Variants in VAPB observed in about 807,000 individuals in gnomAD.
VAPB encodes the protein vesicle-associated membrane protein-associated protein B/C.
In VAPB, 7 loss-of-function variants were observed where a neutral mutation model predicts 25.6. The ratio of observed to expected loss-of-function variants is 0.27; its 90% CI spans 0.16 to 0.51. VAPB has a LOEUF of 0.51. Ranked by LOEUF, VAPB falls within the 20% of genes least tolerant of loss-of-function variation. VAPB has a pLI of 0.97. For synonymous variants in VAPB, 112 were observed against 109.2 expected, an observed-to-expected ratio of 1.03 and a Z score of -0.16; for missense variants, 266 against 301.3, an observed-to-expected ratio of 0.88 and a Z score of 0.87.
chr20:58,441,918 A>G (rs1989170553), intron 5 of VAPB, among the ~76,000 whole-genome samples: 1 of 152,062 alleles, frequency 6.6e-6, no homozygotes, highest in African/African-American at 2.4e-5. Context: ...AGTGGGTAGG[A>G]GGTGGAGATT....
rs1283925294 is a variant in VAPB, at chr20:58,449,304, G to C, written c.*5069G>C. On this transcript the variant is annotated 3_prime_UTR_variant, in exon 6 of 6. Coordinates refer to ENST00000475243, the MANE Select transcript of VAPB (RefSeq NM_004738.5). ...GCTGTATCTACGGCACTTAACAATA[G>C]GGGCTTTTTATTTTCATTACAGAGA... 3 of 449,624 alleles carry C rather than the reference G, an allele frequency of 6.7e-6. No individual in the cohort carries two copies. In the Admixed American group the frequency reaches 7.2e-5, roughly 11 times the overall value. The allele number at this position is 449,624 out of a possible 1,614,324, so 27.9% of individuals were successfully genotyped here.
chr20:58,434,261 A>T (rs1273580815), intron 2 of VAPB, among the ~76,000 whole-genome samples: 2 of 152,216 alleles, frequency 1.3e-5, no homozygotes, highest in South Asian at 2.1e-4. Context: ...TTCTTGAGCA[A>T]AACAGGCAGA....
chr20:58,432,362 T>C (rs1988946597), intron 2 of VAPB: 4 of 152,188 alleles, frequency 2.6e-5, no homozygotes, highest in African/African-American at 9.7e-5. Context: ...TCCAGAGTGG[T>C]AGACTTGGGA....
In VAPB at chr20:58,424,399, G is replaced by T. The variant is rs141349089; in HGVS notation, c.211+6036G>T. Among the ~76,000 whole-genome samples, 33 of 152,164 alleles carry T rather than the reference G, an allele frequency of 2.2e-4. No homozygotes were observed. In the Middle Eastern group the frequency reaches 0.01, roughly 47 times the overall value. ...GGACGGGCTGGGCAAGAACACCACC[G>T]AGAGCAAGTGCAGGGAGCATTCAGA... is the stretch of plus-strand genomic sequence containing the variant. On this transcript the variant is annotated intron_variant, in intron 2 of 5. Coordinates refer to ENST00000475243, the MANE Select transcript of VAPB (RefSeq NM_004738.5).
At chr20:58,443,546 C>T (rs1365684664) in intron 5 of VAPB, among the ~76,000 whole-genome samples, 2 of 151,918 alleles carry the variant, frequency 1.3e-5, no homozygotes, top group Non-Finnish European at 2.9e-5. Context: ...CCTCAGCCTC[C>T]CAAAGTACAG....
chr20:58,421,747 G>A (rs1988674138), intron 2 of VAPB, among the ~76,000 whole-genome samples: 1 of 152,108 alleles, frequency 6.6e-6, no homozygotes, highest in Non-Finnish European at 1.5e-5. Context: ...GAGAGGGAGG[G>A]TTGATGGTAA....
intron 2 of VAPB, 123 bp downstream of exon 2, chr20:58,418,486 C>T: frequency 9.3e-7 from 1 of 1,074,886 alleles, no homozygotes; most frequent in Non-Finnish European, 1.3e-6. Flanking sequence ...ACCCCACCCC[C>T]ACCCCACCCC....
chr20:58,449,997 C>T lies in VAPB; in HGVS notation c.*5762C>T. 2.2e-6 allele frequency: 1 copy of T among 453,958 alleles called. No homozygotes were observed. The highest frequency in any genetic ancestry group is 4.4e-6 in the Non-Finnish European group (1 of 226,778). The allele number at this position is 453,958 out of a possible 1,614,324, so 28.1% of individuals were successfully genotyped here. A position where few individuals can be genotyped will look rare whatever the true frequency, so the allele number is the denominator to read the frequency against. On this transcript the variant is annotated 3_prime_UTR_variant, in exon 6 of 6. Transcript: ENST00000475243. ...CTAATCAGATATCTTAACACAATTT[C>T]ATCCAGGCTTAGTGCTAACAAGATT... is the stretch of plus-strand genomic sequence containing the variant.
chr20:58,397,984 T>C (rs1360319683), intron 1 of VAPB, among the ~76,000 whole-genome samples: 1 of 152,188 alleles, frequency 6.6e-6, no homozygotes, highest in Non-Finnish European at 1.5e-5. Context: ...GATATAATGA[T>C]CTCTTACAGA....
rs565228671 is a variant in VAPB at position 58,448,637 on chromosome 20, C to A, written c.*4402C>A. On this transcript the variant is annotated 3_prime_UTR_variant, in exon 6 of 6. Transcript: ENST00000475243. Reference sequence around the variant, plus strand: ...GAAGTGAGTGGATGAGGCCTTCCTGCCTCAGCTACTCTGCCCGTCTGTACA... The same window carrying A: ...GAAGTGAGTGGATGAGGCCTTCCTGACTCAGCTACTCTGCCCGTCTGTACA... 1.1e-5 allele frequency: 5 copies of A among 453,980 alleles called. No individual in the cohort carries two copies. The highest frequency in any genetic ancestry group is 3.1e-5 in the South Asian group (2 of 64,476). The allele number at this position is 453,980 out of a possible 1,614,324, so 28.1% of individuals were successfully genotyped here.
intron 1 of VAPB, among the ~76,000 whole-genome samples, chr20:58,398,878 T>C (rs1435984305): frequency 6.6e-6 from 1 of 151,678 alleles, no homozygotes; most frequent in Non-Finnish European, 1.5e-5. Flanking sequence ...TTTGTCGTCA[T>C]GCTGGCTGTG....
At chr20:58,423,760 T>A (rs1224169264) in intron 2 of VAPB, among the ~76,000 whole-genome samples, 1 of 152,234 alleles carries the variant, frequency 6.6e-6, no homozygotes, top group African/African-American at 2.4e-5. Context: ...GATTGTTTGC[T>A]TTGGAAGTCT....
chr20:58,433,180 A>C (rs1297159234), intron 2 of VAPB, among the ~76,000 whole-genome samples: 1 of 152,200 alleles, frequency 6.6e-6, no homozygotes, highest in African/African-American at 2.4e-5. Context: ...CCAGATATAA[A>C]TCTAGCTCAT....
chr20:58,435,339 A>G (rs184182107), intron 3 of VAPB, among the ~76,000 whole-genome samples: 21 of 152,168 alleles, frequency 1.4e-4, no homozygotes, highest in Admixed American at 9.8e-4. Context: ...CTTTTTATAC[A>G]TTTGAATAAG....
At chr20:58,440,610 A>G (rs1989137895) in intron 4 of VAPB, 3 of 330,384 alleles carry the variant, frequency 9.1e-6, no homozygotes, top group Non-Finnish European at 1.7e-5. Context: ...CAGTATGCTG[A>G]TTTTTCCGTG....
Position 58,389,481 on chromosome 20 carries a change from C to T in VAPB, c.22C>T (p.Leu8=), listed in dbSNP as rs1482571088. MAKVEQV[L]SLEPQHELKF... ...GAACATGGCGAAGGTGGAGCAGGTC[C>T]TGAGCCTCGAGCCGCAGCACGAGCT... Residue 8 remains leucine (L), a synonymous_variant, in exon 1 of 6, where the codon CTG becomes TTG. Coordinates refer to ENST00000475243, the MANE Select transcript of VAPB (RefSeq NM_004738.5). 3.1e-6 allele frequency: 5 copies of T among 1,596,446 alleles called. No individual in the cohort carries two copies. Among genetic ancestry groups the T allele is most frequent in the South Asian group, 2.3e-5 (2 of 87,792 alleles).
At chr20:58,409,969 T>A (rs1405494792) in intron 1 of VAPB, among the ~76,000 whole-genome samples, 1 of 151,868 alleles carries the variant, frequency 6.6e-6, no homozygotes, top group African/African-American at 2.4e-5. Flanking sequence ...CTCAATAATA[T>A]TTAATATTAG....
intron 1 of VAPB, 91 bp downstream of exon 1, chr20:58,389,608 C>T (rs968031260): frequency 2.9e-6 from 4 of 1,365,668 alleles, no homozygotes; most frequent in Admixed American, 5.5e-5. Context: ...CGTCGGCCCT[C>T]GTCCCCACCC....
chr20:58,422,210 G>A (rs1418635879), intron 2 of VAPB, among the ~76,000 whole-genome samples: 1 of 152,120 alleles, frequency 6.6e-6, no homozygotes. Flanking sequence ...TCTGAGGTTT[G>A]TGCTTTTTGG....
Sources: gnomAD v4.1 joint callset for allele counts (sites outside exome capture counted in the v4.1 genomes callset) on GRCh38, gnomAD v4.1.1 for gene constraint, MANE v1.5 for transcripts, NCBI Gene and HGNC (gene_info 2026-07-23, HGNC 2026-07-21) for gene names.